LEMD3: variants seen among roughly 807,000 people sequenced by gnomAD.
LEMD3 encodes the protein LEM domain containing 3, also known as inner nuclear membrane protein Man1.
LEMD3 carries 33 observed loss-of-function variants against 95.2 expected under a neutral mutation model. The observed-to-expected ratio is 0.35, with a 90% CI of 0.26 to 0.46. The LOEUF (loss-of-function observed/expected upper bound fraction) is 0.46, where lower values mean the gene tolerates loss of function less well. Among genes scored for constraint, LEMD3 ranks in the 20% least tolerant of loss-of-function variants. LEMD3 has a pLI of 1.00. For synonymous variants in LEMD3, 525 were observed against 474.6 expected (o/e 1.11, Z -1.38); for missense variants, 1,210 against 1,192.8 (o/e 1.01, Z -0.21).
In LEMD3 at chr12:65,210,981, A is replaced by G. The variant is rs1343654514; in HGVS notation, c.1560+18A>G. On this transcript the variant is annotated intron_variant, in intron 2 of 12. Transcript: ENST00000308330. ...AAATACAAGTAAGTAAACGATCATAATACTGATAATTTTGTGTCATGTTTT... is the reference window on the plus strand; with the variant it reads ...AAATACAAGTAAGTAAACGATCATAGTACTGATAATTTTGTGTCATGTTTT... 1.3e-6 allele frequency: 2 copies of G among 1,539,096 alleles called. No individual in the cohort carries two copies. The highest frequency in any genetic ancestry group is 1.8e-6 in the Non-Finnish European group (2 of 1,112,148).
At chr12:65,215,518 G>A (rs935302601) in intron 2 of LEMD3, among the ~76,000 whole-genome samples, 1 of 152,122 alleles carries the variant, frequency 6.6e-6, no homozygotes, top group African/African-American at 2.4e-5. Flanking sequence ...GGCACCTTGG[G>A]AGCCTAGGAG....
Position 65,170,228 on chromosome 12 carries a change from CG to C in LEMD3, c.636del (p.Asp214MetfsTer31). The C allele has an allele frequency of 6.6e-7, 1 of 1,515,454 alleles. No homozygotes were observed. Among genetic ancestry groups the C allele is most frequent in the Non-Finnish European group, 8.9e-7 (1 of 1,129,500 alleles). 93.9% of individuals were successfully genotyped at this position (1,515,454 alleles called of 1,614,324 possible). A position where few individuals can be genotyped will look rare whatever the true frequency, so the allele number is the denominator to read the frequency against. ...RPAGPELQTP[P>X]GKDGAVEDEE... is the part of the protein sequence containing the mutation. Reference sequence around the variant, plus strand: ...GCGGGCCCCGAGCTGCAGACCCCGCCGGGGAAAGATGGAGCAGTGGAGGACG... The same window carrying C: ...GCGGGCCCCGAGCTGCAGACCCCGCCGGGAAAGATGGAGCAGTGGAGGACG... On this transcript the variant is annotated frameshift_variant, in exon 1 of 13. Coordinates refer to ENST00000308330, the MANE Select transcript of LEMD3 (RefSeq NM_014319.5). LOFTEE classifies it high-confidence loss of function.
chr12:65,210,843 A>T, intron 1 of LEMD3, 83 bp from the exon 2 acceptor site: 2 of 1,021,600 alleles, frequency 2.0e-6, no homozygotes, highest in Non-Finnish European at 3.1e-6. Context: ...AGCAAAGTAC[A>T]TGCTGGCATT....
chr12:65,195,973 T>C (rs1869418470), intron 1 of LEMD3, among the ~76,000 whole-genome samples: 1 of 152,130 alleles, frequency 6.6e-6, no homozygotes, highest in African/African-American at 2.4e-5. Context: ...ATGAGAATTC[T>C]GAATTCCTCA....
At chr12:65,242,507 T>C (rs1411262005) in intron 9 of LEMD3, among the ~76,000 whole-genome samples, 1 of 152,214 alleles carries the variant, frequency 6.6e-6, no homozygotes, top group African/African-American at 2.4e-5. Context: ...TCCTCTTCAG[T>C]GTTCCTAGTC....
At chr12:65,195,124 A>C (rs903811671) in intron 1 of LEMD3, among the ~76,000 whole-genome samples, 1 of 152,008 alleles carries the variant, frequency 6.6e-6, no homozygotes, top group African/African-American at 2.4e-5. Context: ...CAAATACTGT[A>C]TTTTTGACCC....
chr12:65,218,687 A>G, intron 4 of LEMD3, 68 bp downstream of exon 4: 1 of 897,918 alleles, frequency 1.1e-6, no homozygotes, highest in South Asian at 1.5e-5. Context: ...GCTACTTGTA[A>G]GAATCATATG....
intron 1 of LEMD3, among the ~76,000 whole-genome samples, chr12:65,208,376 A>G (rs895400420): frequency 5.9e-5 from 9 of 152,066 alleles, no homozygotes; most frequent in Admixed American, 1.3e-4. Flanking sequence ...TAAGAGCTGT[A>G]ATTCACTCTC....
At chr12:65,203,605 G>A (rs1047134830) in intron 1 of LEMD3, among the ~76,000 whole-genome samples, 7 of 151,798 alleles carry the variant, frequency 4.6e-5, no homozygotes, top group African/African-American at 1.7e-4. Flanking sequence ...TGAAGACTGT[G>A]TATTCTGTTG....
rs1170207112 is a variant in LEMD3, at chr12:65,246,741, G to A, written c.*416G>A. The stretch of plus-strand genomic sequence containing the variant: ...TACAGTCACCTGCATAGTTCCTACA[G>A]GCTAATGTGGTAAAACTGTTGATTT... On this transcript the variant is annotated 3_prime_UTR_variant, in exon 13 of 13. Coordinates refer to ENST00000308330, the MANE Select transcript of LEMD3 (RefSeq NM_014319.5). The A allele has an allele frequency of 5.5e-6, 1 of 180,658 alleles. No individual in the cohort carries two copies. Among genetic ancestry groups the A allele is most frequent in the African/African-American group, 2.4e-5 (1 of 41,782 alleles). The allele number at this position is 180,658 out of a possible 1,614,324, so 11.2% of individuals were successfully genotyped here.
At chr12:65,230,225 GT>G (rs1467959240) in intron 4 of LEMD3, among the ~76,000 whole-genome samples, 4 of 152,132 alleles carry the variant, frequency 2.6e-5, no homozygotes, top group Non-Finnish European at 5.9e-5. Context: ...GTATTTTGAG[GT>G]TTTATAGTGT....
chr12:65,170,990 C>T lies in LEMD3; in HGVS notation c.1394C>T (p.Thr465Ile), dbSNP rs998078047. 2 of 1,614,096 alleles carry T rather than the reference C, an allele frequency of 1.2e-6. No individual in the cohort carries two copies. The highest frequency in any genetic ancestry group is 1.7e-6 in the Non-Finnish European group (2 of 1,180,034). The change falls in exon 1 of 13, where the codon ACA (threonine) becomes ATA (isoleucine). Residue 465 changes from threonine (T) to isoleucine (I), a missense_variant. Coordinates refer to ENST00000308330, the MANE Select transcript of LEMD3 (RefSeq NM_014319.5). ...TTTAAACGGGAGGAGGTGTCCCCAA[C>T]AGGGAGTTTCAGTGCCCACTACTTG... ...QQFKREEVSP[T>I]GSFSAHYLSM...
intron 1 of LEMD3, among the ~76,000 whole-genome samples, chr12:65,199,241 A>G (rs1328180816): frequency 6.6e-6 from 1 of 152,138 alleles, no homozygotes; most frequent in African/African-American, 2.4e-5. Flanking sequence ...CTCTATAAAG[A>G]TATCGGAATT....
intron 4 of LEMD3, among the ~76,000 whole-genome samples, chr12:65,233,492 A>T (rs1469998162): frequency 6.6e-6 from 1 of 152,180 alleles, no homozygotes; most frequent in South Asian, 2.1e-4. Context: ...AAGATCATAC[A>T]ATTCTTACTG....
chr12:65,221,097 TAGTAATTTGAGTA>T (rs1162923502), intron 4 of LEMD3, among the ~76,000 whole-genome samples: 2 of 152,080 alleles, frequency 1.3e-5, no homozygotes, highest in African/African-American at 4.8e-5. Flanking sequence ...TTCGGTGGTA[TAGTAATTTGAGTA>T]ATATTAAGTC....
At chr12:65,243,360 A>G (rs1870990300) in intron 9 of LEMD3, 28 bp from the exon 10 acceptor site, 1 of 1,312,000 alleles carries the variant, frequency 7.6e-7, no homozygotes, top group African/African-American at 1.4e-5. Flanking sequence ...AACAATGTCA[A>G]ATAGTAAAAC....
chr12:65,170,021 ACGAGTCGGAC>A lies in LEMD3; in HGVS notation c.426_435del (p.Asp142GlufsTer38). 1 of 1,506,604 alleles carries A rather than the reference ACGAGTCGGAC, an allele frequency of 6.6e-7. No homozygotes were observed. Among genetic ancestry groups the A allele is most frequent in the Non-Finnish European group, 8.8e-7 (1 of 1,137,408 alleles). 93.3% of individuals were successfully genotyped at this position (1,506,604 alleles called of 1,614,324 possible). A position where few individuals can be genotyped will look rare whatever the true frequency, so the allele number is the denominator to read the frequency against. ...AAAGTGCTGCTGGGCTTCAGCTCGG[ACGAGTCGGAC>A]GTGGAGGCCAGTCCCCGGGACCAGG... On this transcript the variant is annotated frameshift_variant, in exon 1 of 13. Coordinates refer to ENST00000308330, the MANE Select transcript of LEMD3 (RefSeq NM_014319.5). LOFTEE classifies it high-confidence loss of function.
intron 1 of LEMD3, among the ~76,000 whole-genome samples, chr12:65,199,933 C>T (rs1010311384): frequency 1.6e-4 from 24 of 151,892 alleles, no homozygotes; most frequent in African/African-American, 5.3e-4. Context: ...CGTCTGGAGG[C>T]AGGGAACCTA....
intron 4 of LEMD3, among the ~76,000 whole-genome samples, chr12:65,227,892 C>T (rs924464982): frequency 6.6e-6 from 1 of 151,620 alleles, no homozygotes; most frequent in Non-Finnish European, 1.5e-5. Context: ...AATTTAATGC[C>T]GACATAATCA....
Sources: allele counts gnomAD v4.1 joint callset (sites outside exome capture counted in the v4.1 genomes callset), GRCh38; gene constraint gnomAD v4.1.1; transcripts MANE v1.5; gene names NCBI Gene and HGNC (gene_info 2026-07-23, HGNC 2026-07-21).